Variants in RAD54L2 observed in about 807,000 individuals in gnomAD.
RAD54L2 encodes RAD54 like 2.
RAD54L2 carries 27 observed loss-of-function variants against 138.4 expected under a neutral mutation model. The ratio of observed to expected loss-of-function variants is 0.20; its 90% CI spans 0.14 to 0.27. The LOEUF (loss-of-function observed/expected upper bound fraction) is 0.27, where lower values mean the gene tolerates loss of function less well. Among genes scored for constraint, RAD54L2 ranks in the 10% least tolerant of loss-of-function variants. The pLI is 1.00. For missense variants in RAD54L2, 1,396 were observed against 1,890.2 expected (o/e 0.74, Z 4.85); for synonymous variants, 644 against 723.2 (o/e 0.89, Z 1.76).
intron 22 of RAD54L2, 149 bp downstream of exon 22, chr3:51,660,267 T>C (rs189980321): frequency 3.3e-6 from 2 of 605,834 alleles, no homozygotes; most frequent in South Asian, 3.0e-5. Context: ...AAAGTAAGTA[T>C]TTTTGTGTGG....
Position 51,663,146 on chromosome 3 carries a change from G to T in RAD54L2, c.4130G>T (p.Gly1377Val). 1 of 1,613,926 alleles carries T rather than the reference G, an allele frequency of 6.2e-7. No individual in the cohort carries two copies. Among genetic ancestry groups the T allele is most frequent in the Non-Finnish European group, 8.5e-7 (1 of 1,179,860 alleles). ...PSFMLNPSVP[G>V]ILPSYSLPFS... ...TTCATGCTCAACCCTTCTGTGCCAG[G>T]GATACTACCCAGCTATTCACTCCCA... Residue 1377 changes from glycine (G) to valine (V), a missense_variant, in exon 23 of 23, where the codon GGG (glycine) becomes GTG (valine). Gly to Val is a moderately radical substitution (Grantham distance 109). Around this residue, in one of 7 missense-constraint regions of RAD54L2, gnomAD observed 634 missense variants for 711.2 expected, o/e 0.89. Transcript: ENST00000684192.
intron 19 of RAD54L2, among the ~76,000 whole-genome samples, chr3:51,649,987 T>G (rs921862114): frequency 2.0e-5 from 3 of 152,140 alleles, no homozygotes; most frequent in African/African-American, 7.2e-5. Context: ...AGACACAGAC[T>G]GGCAAATTGG....
intron 3 of RAD54L2, among the ~76,000 whole-genome samples, chr3:51,607,894 C>T (rs1257317186): frequency 2.0e-5 from 3 of 148,788 alleles, no homozygotes; most frequent in Non-Finnish European, 4.5e-5. Flanking sequence ...GGGCTGCCCC[C>T]CACCTCCCGG....
intron 3 of RAD54L2, 116 bp from the exon 4 acceptor site, chr3:51,627,437 C>A: frequency 1.1e-6 from 1 of 940,710 alleles, no homozygotes; most frequent in Non-Finnish European, 1.6e-6. Flanking sequence ...AAAGAATTTG[C>A]CTTAGATTAC....
intron 2 of RAD54L2, among the ~76,000 whole-genome samples, chr3:51,585,618 G>A (rs564120590): frequency 4.6e-5 from 7 of 152,320 alleles, no homozygotes; most frequent in African/African-American, 1.7e-4. Flanking sequence ...AACTTAGCAA[G>A]GCAGAACAAT....
Position 51,638,236 on chromosome 3 carries a change from C to T in RAD54L2, c.1775C>T (p.Thr592Ile). 2 of 1,613,994 alleles carry T rather than the reference C, an allele frequency of 1.2e-6. No homozygotes were observed. The highest frequency in any genetic ancestry group is 2.2e-5 in the East Asian group (1 of 44,876). Residue 592 changes from threonine (T) to isoleucine (I), a missense_variant, in exon 12 of 23, where the codon ACA becomes ATA. Physicochemically the swap from Thr to Ile is moderately conservative, Grantham distance 89 (BLOSUM62 -1). Coordinates refer to ENST00000684192, the MANE Select transcript of RAD54L2 (RefSeq NM_015106.4). The surrounding 1 kb of genome is among the most constrained non-coding windows in gnomAD (Gnocchi z 4.3). Reference protein sequence around the residue: ...RLSKIQRDLYTQFMDRFRDCG... With the variant: ...RLSKIQRDLYIQFMDRFRDCG... ...TCCAAGATCCAGCGAGATTTGTATA[C>T]ACAGTTCATGGATCGCTTCCGGGAC... is the stretch of plus-strand genomic sequence containing the variant.
intron 3 of RAD54L2, among the ~76,000 whole-genome samples, chr3:51,596,224 G>A (rs976212471): frequency 6.8e-5 from 10 of 147,556 alleles, no homozygotes; most frequent in Non-Finnish European, 1.0e-4. Context: ...CACCGCTCCC[G>A]GCCTTACTTC....
intron 3 of RAD54L2, 144 bp downstream of exon 3, chr3:51,590,703 T>G (rs1388307187): frequency 6.3e-6 from 7 of 1,118,234 alleles, no homozygotes; most frequent in African/African-American, 4.7e-5. Context: ...ATGCAATGAA[T>G]TCAGATGCTC....
Position 51,610,853 on chromosome 3 carries a change from C to A in RAD54L2, c.140-16700C>A, listed in dbSNP as rs972119726. Among the ~76,000 whole-genome samples the A allele has an allele frequency of 2.6e-5, 4 of 152,158 alleles. No homozygotes were observed. The East Asian group carries it at 7.7e-4, about 29-fold the overall frequency. On this transcript the variant is annotated intron_variant, in intron 3 of 22. Transcript: ENST00000684192. ...AGCACCGATTGACATGACCCTTATA[C>A]CAGCTCTAAATCCAACACATCAGGC...
chr3:51,575,695 T>A (rs1188123734), intron 2 of RAD54L2, among the ~76,000 whole-genome samples: 1 of 152,216 alleles, frequency 6.6e-6, no homozygotes, highest in Admixed American at 6.5e-5. Context: ...GCACACTGAT[T>A]TTGTACCCTG....
In RAD54L2 at chr3:51,590,663, A is replaced by T. The variant is rs934098962; in HGVS notation, c.139+104A>T. 6 of 1,469,514 alleles carry T rather than the reference A, an allele frequency of 4.1e-6. No individual in the cohort carries two copies. In the Admixed American group the frequency reaches 1.2e-4, roughly 29 times the overall value. The allele number at this position is 1,469,514 out of a possible 1,614,324, so 91.0% of individuals were successfully genotyped here. On this transcript the variant is annotated intron_variant, in intron 3 of 22. Coordinates refer to ENST00000684192, the MANE Select transcript of RAD54L2 (RefSeq NM_015106.4). ...TCCAGTTAGATTTCTTAGGCCATCC[A>T]TAGTGGGAAGATACAGACTAGGAAC...
At chr3:51,576,692 T>A (rs1699488672) in intron 2 of RAD54L2, among the ~76,000 whole-genome samples, 1 of 152,176 alleles carries the variant, frequency 6.6e-6, no homozygotes, top group Non-Finnish European at 1.5e-5. Flanking sequence ...TCGGTGGTGA[T>A]GTTCCCTTTA....
chr3:51,630,384 A>G lies in RAD54L2; in HGVS notation c.594A>G (p.Arg198=). 1 of 1,612,844 alleles carries G rather than the reference A, an allele frequency of 6.2e-7. No homozygotes were observed. Among genetic ancestry groups the G allele is most frequent in the Non-Finnish European group, 8.5e-7 (1 of 1,178,942 alleles). ...SSGSEDEKSS[R]DEVIELSSGE... is the part of the protein sequence containing the mutation. Reference sequence around the variant, plus strand: ...GCAGTGAGGATGAAAAAAGCAGTCGAGATGGTAAGATCAAACCAGGTGCCT... The same window carrying G: ...GCAGTGAGGATGAAAAAAGCAGTCGGGATGGTAAGATCAAACCAGGTGCCT... Residue 198 remains arginine (R), a synonymous_variant, in exon 6 of 23, where the codon CGA becomes CGG. Transcript: ENST00000684192.
intron 2 of RAD54L2, among the ~76,000 whole-genome samples, chr3:51,582,125 T>A (rs372652190): frequency 6.6e-6 from 1 of 152,056 alleles, no homozygotes; most frequent in African/African-American, 2.4e-5. Context: ...CAGGCTGGTC[T>A]CAAACTCCTG....
chr3:51,630,132 T>C (rs1418179191), intron 5 of RAD54L2, 140 bp from the exon 6 acceptor site: 4 of 630,006 alleles, frequency 6.3e-6, no homozygotes, highest in Non-Finnish European at 1.1e-5. Flanking sequence ...GCTGAGGTTT[T>C]TGAGATGGGC....
At chr3:51,554,364 CA>C (rs763034796) in intron 2 of RAD54L2, among the ~76,000 whole-genome samples, 6,543 of 117,112 alleles carry the variant, frequency 0.056, 391 homozygotes, top group African/African-American at 0.17. Flanking sequence ...GAGACTCTTT[CA>C]AAAAAAAAAA....
chr3:51,573,823 G>C (rs1360083551), intron 2 of RAD54L2, among the ~76,000 whole-genome samples: 1 of 152,028 alleles, frequency 6.6e-6, no homozygotes, highest in African/African-American at 2.4e-5. Context: ...CCTTGTAATT[G>C]TCTTTTAGAA....
In RAD54L2 at chr3:51,641,021, A is replaced by G. The variant is rs186477057; in HGVS notation, c.2232-728A>G. On this transcript the variant is annotated intron_variant, in intron 14 of 22. Transcript: ENST00000684192. ...TTCTTTTTCTTTTTCTTTTTTTTTG[A>G]GATGGAGTTTCACTCTTCCTGCCCA... 9.3e-5 allele frequency among the ~76,000 whole-genome samples: 14 copies of G among 150,944 alleles called. No homozygotes were observed. In the East Asian group the frequency reaches 2.7e-3, roughly 29 times the overall value.
At chr3:51,579,202 G>C (rs573134892) in intron 2 of RAD54L2, among the ~76,000 whole-genome samples, 2 of 145,814 alleles carry the variant, frequency 1.4e-5, no homozygotes, top group Non-Finnish European at 3.0e-5. Flanking sequence ...TCACGGTGTC[G>C]CCCAGACTGC....
Sources: gnomAD v4.1 joint callset for allele counts (sites outside exome capture counted in the v4.1 genomes callset) on GRCh38, gnomAD v4.1.1 for gene constraint, gnomAD v4.1.1 regional missense constraint, Gnocchi (gnomAD v3.1) non-coding constraint, MANE v1.5 for transcripts, NCBI Gene and HGNC (gene_info 2026-07-23, HGNC 2026-07-21) for gene names.